Variants in ADSS1 observed in about 807,000 individuals in gnomAD.
ADSS1 encodes adenylosuccinate synthase 1.
In ADSS1, 57 loss-of-function variants were observed where a neutral mutation model predicts 59.1. The ratio of observed to expected loss-of-function variants is 0.97; its 90% CI spans 0.78 to 1.20. The LOEUF is 1.20. Ranked by LOEUF, ADSS1 falls within the 50% of genes most tolerant of loss-of-function variation. The pLI is 0.00. For synonymous variants in ADSS1, 247 were observed against 249.4 expected (o/e 0.99, Z 0.09); for missense variants, 603 against 610.3 (o/e 0.99, Z 0.13).
At chr14:104,727,390 A>G (rs1422631877) in intron 1 of ADSS1, among the ~76,000 whole-genome samples, 2 of 150,942 alleles carry the variant, frequency 1.3e-5, no homozygotes, top group African/African-American at 2.4e-5. Flanking sequence ...GTTCGGCTGC[A>G]CTATGCCCCC....
chr14:104,730,945 A>T (rs902071839), intron 1 of ADSS1, among the ~76,000 whole-genome samples: 8 of 58,506 alleles, frequency 1.4e-4, no homozygotes, highest in African/African-American at 4.8e-4. Context: ...GACAAGCCAG[A>T]CTAGGCAGAG....
intron 2 of ADSS1, among the ~76,000 whole-genome samples, chr14:104,736,809 G>A (rs1891139434): frequency 6.7e-6 from 1 of 149,930 alleles, no homozygotes; most frequent in Admixed American, 6.6e-5. Context: ...TCAACCTACT[G>A]GGCCCAGGGG....
In ADSS1 at chr14:104,746,959, G is replaced by A; in HGVS notation, c.1330G>A (p.Val444Ile). 1.2e-6 allele frequency: 2 copies of A among 1,614,104 alleles called. No individual in the cohort carries two copies. The highest frequency in any genetic ancestry group is 1.7e-6 in the Non-Finnish European group (2 of 1,179,968). The change falls in exon 13 of 13, where the codon GTT becomes ATT. Residue 444 changes from valine to isoleucine, a missense_variant. Physicochemically the swap from Val to Ile is conservative, Grantham distance 29. Coordinates refer to ENST00000330877, the MANE Select transcript of ADSS1 (RefSeq NM_152328.5). ...ENHVGVAVKW[V>I]GVGKSRESMI... ...CTTTTCTGCTCTCTCAGTCAAATGGGTTGGTGTTGGCAAGTCAAGAGAGTC... is the reference window on the plus strand; with the variant it reads ...CTTTTCTGCTCTCTCAGTCAAATGGATTGGTGTTGGCAAGTCAAGAGAGTC...
At chr14:104,732,413 G>T (rs1890964221) in intron 1 of ADSS1, among the ~76,000 whole-genome samples, 1 of 152,228 alleles carries the variant, frequency 6.6e-6, no homozygotes, top group African/African-American at 2.4e-5. Flanking sequence ...ACAGACTGGT[G>T]TCTCTCTGGG....
chr14:104,730,398 T>C (rs1277524546), intron 1 of ADSS1, among the ~76,000 whole-genome samples: 1 of 151,706 alleles, frequency 6.6e-6, no homozygotes, highest in East Asian at 1.9e-4. Flanking sequence ...GGTGAGGTGG[T>C]AGAATAGCTT....
rs762505900 is a variant in ADSS1 at position 104,746,330 on chromosome 14, G to T, written c.1266G>T (p.Leu422=). The T allele has an allele frequency of 1.5e-5, 24 of 1,613,824 alleles. 1 individual carries two copies. The Middle Eastern group carries it at 8.3e-4, about 56-fold the overall frequency. Residue 422 remains leucine (L), a synonymous_variant, in exon 12 of 13, where the codon CTG becomes CTT. Coordinates refer to ENST00000330877, the MANE Select transcript of ADSS1 (RefSeq NM_152328.5). The part of the protein sequence containing the change: ...DTTGARRWED[L]PPQAQNYIRF... ...CAGGCGCCAGGAGGTGGGAGGACCTGCCCCCACAGGCCCAGAACTACATCC... is the reference window on the plus strand; with the variant it reads ...CAGGCGCCAGGAGGTGGGAGGACCTTCCCCCACAGGCCCAGAACTACATCC...
intron 1 of ADSS1, among the ~76,000 whole-genome samples, chr14:104,726,299 C>T (rs1890716401): frequency 6.6e-6 from 1 of 152,238 alleles, no homozygotes; most frequent in African/African-American, 2.4e-5. Flanking sequence ...CATTTGGAGC[C>T]CTCACTGGTG....
chr14:104,728,344 G>A (rs1890781047), intron 1 of ADSS1, among the ~76,000 whole-genome samples: 1 of 152,156 alleles, frequency 6.6e-6, no homozygotes, highest in Non-Finnish European at 1.5e-5. Context: ...CTCCAGGACA[G>A]AGGGTCCCTG....
intron 1 of ADSS1, among the ~76,000 whole-genome samples, chr14:104,726,959 C>T (rs149498262): frequency 1.5e-4 from 23 of 152,332 alleles, no homozygotes; most frequent in African/African-American, 5.5e-4. Flanking sequence ...AGCCTCTGGA[C>T]ACCCAGGCTC....
chr14:104,724,782 G>A (rs924738838), intron 1 of ADSS1, among the ~76,000 whole-genome samples: 4 of 152,126 alleles, frequency 2.6e-5, no homozygotes, highest in South Asian at 4.1e-4. Flanking sequence ...TGGGTGTGAC[G>A]CTGGACCCTC....
chr14:104,743,294 C>T, intron 10 of ADSS1, 103 bp downstream of exon 10: 1 of 1,519,584 alleles, frequency 6.6e-7, no homozygotes, highest in East Asian at 2.3e-5. Context: ...ACCAAGTCTC[C>T]TTGGACAAGG....
At chr14:104,729,835 G>A (rs1566794185) in intron 1 of ADSS1, 11 of 625,552 alleles carry the variant, frequency 1.8e-5, no homozygotes, top group East Asian at 3.1e-5. Flanking sequence ...GGAGCGTGGC[G>A]TCGGCGTCGT....
In ADSS1 at chr14:104,738,406, T is replaced by C; in HGVS notation, c.326T>C (p.Leu109Ser). Residue 109 changes from leucine (L) to serine (S), a missense_variant, in exon 3 of 13, where the codon TTG becomes TCG. Transcript: ENST00000330877. ...GGGGTGGTCATCCACTTGCCAGGCT[T>C]GTTTGAGGAAGCAGAGAAGAATGAA... ...GNGVVIHLPGLFEEAEKNEKK... is the reference protein window; with the variant it reads ...GNGVVIHLPGSFEEAEKNEKK... 1 of 1,613,908 alleles carries C rather than the reference T, an allele frequency of 6.2e-7. No individual in the cohort carries two copies. Among genetic ancestry groups the C allele is most frequent in the Non-Finnish European group, 8.5e-7 (1 of 1,179,856 alleles).
rs74887748 is a variant in ADSS1, at chr14:104,724,883, T to G, written c.192+421T>G. 4.5e-4 allele frequency among the ~76,000 whole-genome samples: 68 copies of G among 152,036 alleles called. 1 individual carries two copies. The East Asian group carries it at 0.013, about 30-fold the overall frequency. ...ATTTACAGTGATCACCTGGGGCCTG[T>G]CTGGGTCTGGGATAGGGCTTACCTG... is the stretch of plus-strand genomic sequence containing the variant. On this transcript the variant is annotated intron_variant, in intron 1 of 12. Transcript: ENST00000330877.
At chr14:104,745,036 T>A in intron 11 of ADSS1, 127 bp downstream of exon 11, 3 of 771,020 alleles carry the variant, frequency 3.9e-6, no homozygotes, top group Non-Finnish European at 4.2e-6. Context: ...GCAGCTTGTC[T>A]CCAGTGACCA....
intron 9 of ADSS1, 97 bp from the exon 10 acceptor site, chr14:104,742,970 T>G (rs1228248321): frequency 7.1e-6 from 11 of 1,554,034 alleles, no homozygotes; most frequent in Non-Finnish European, 9.6e-6. Context: ...CCTCAGGGAT[T>G]CTGAGAGCTG....
At chr14:104,735,777 G>T (rs773313813) in intron 2 of ADSS1, among the ~76,000 whole-genome samples, 1 of 152,098 alleles carries the variant, frequency 6.6e-6, no homozygotes, top group Non-Finnish European at 1.5e-5. Flanking sequence ...CCAGGGTTCC[G>T]TGGCTCTTTC....
intron 1 of ADSS1, among the ~76,000 whole-genome samples, chr14:104,733,642 G>A (rs905955649): frequency 1.3e-5 from 2 of 152,194 alleles, no homozygotes; most frequent in Non-Finnish European, 2.9e-5. Context: ...GAGAGCAGTG[G>A]GGTGTGGCTG....
chr14:104,739,217 G>T (rs1891240085), intron 3 of ADSS1, 111 bp from the exon 4 acceptor site: 3 of 1,169,748 alleles, frequency 2.6e-6, no homozygotes, highest in African/African-American at 1.5e-5. Context: ...CCTCCTCCCT[G>T]CATGCCTTAC....
Sources: allele counts gnomAD v4.1 joint callset (sites outside exome capture counted in the v4.1 genomes callset), GRCh38; gene constraint gnomAD v4.1.1; transcripts MANE v1.5; gene names NCBI Gene and HGNC (gene_info 2026-07-23, HGNC 2026-07-21).